Variants in KIAA1217 observed in about 807,000 individuals in gnomAD.
KIAA1217 encodes sickle tail protein homolog.
KIAA1217 carries 88 observed loss-of-function variants against 163.9 expected under a neutral mutation model. The ratio of observed to expected loss-of-function variants is 0.54; its 90% CI spans 0.45 to 0.64. KIAA1217 has a LOEUF of 0.64. Among genes scored for constraint, KIAA1217 ranks in the 30% least tolerant of loss-of-function variants. KIAA1217 has a pLI of 0.00. For synonymous variants in KIAA1217, 903 were observed against 923.1 expected, an observed-to-expected ratio of 0.98 and a Z score of 0.39; for missense variants, 2,372 against 2,475.0, an observed-to-expected ratio of 0.96 and a Z score of 0.88.
intron 2 of KIAA1217, among the ~76,000 whole-genome samples, chr10:24,112,856 G>C (rs2062907534): frequency 6.6e-6 from 1 of 152,098 alleles, no homozygotes; most frequent in South Asian, 2.1e-4. Context: ...ACAGTGCTGG[G>C]ATTACAGGCG....
At chr10:24,225,759 C>G (rs567826448) in intron 2 of KIAA1217, among the ~76,000 whole-genome samples, 1 of 152,358 alleles carries the variant, frequency 6.6e-6, no homozygotes, top group South Asian at 2.1e-4. Context: ...TACATTGTAG[C>G]ATCTAATCAG....
chr10:24,143,829 C>A (rs897477757), intron 2 of KIAA1217, among the ~76,000 whole-genome samples: 55 of 145,766 alleles, frequency 3.8e-4, no homozygotes, highest in Admixed American at 1.3e-3. Flanking sequence ...AAAAAAAAAA[C>A]AAAAACAAAA....
intron 1 of KIAA1217, among the ~76,000 whole-genome samples, chr10:23,825,510 T>G (rs1444968302): frequency 6.6e-6 from 1 of 152,218 alleles, no homozygotes; most frequent in Non-Finnish European, 1.5e-5. Flanking sequence ...TAACTGGCTT[T>G]AATGAGACTG....
At chr10:23,996,308 C>G (rs11013838) in intron 1 of KIAA1217, among the ~76,000 whole-genome samples, 1 of 152,206 alleles carries the variant, frequency 6.6e-6, no homozygotes, top group East Asian at 1.9e-4. Flanking sequence ...CTTCTTGCCT[C>G]GGATTGACAG....
chr10:23,812,448 G>T (rs1403382928), intron 1 of KIAA1217, among the ~76,000 whole-genome samples: 1 of 152,088 alleles, frequency 6.6e-6, no homozygotes, highest in Non-Finnish European at 1.5e-5. Flanking sequence ...GCTTGGAATA[G>T]GGTTAATAGA....
At chr10:24,498,339 G>C (rs1481265113) in intron 8 of KIAA1217, among the ~76,000 whole-genome samples, 1 of 152,180 alleles carries the variant, frequency 6.6e-6, no homozygotes, top group Non-Finnish European at 1.5e-5. Flanking sequence ...AAAAGGAAAA[G>C]AAGTGGCTGA....
intron 16 of KIAA1217, among the ~76,000 whole-genome samples, chr10:24,535,195 G>A (rs1395067564): frequency 6.6e-6 from 1 of 152,184 alleles, no homozygotes; most frequent in Non-Finnish European, 1.5e-5. Flanking sequence ...TTTGTAAGCA[G>A]CTTTCTAAGT....
chr10:23,845,546 TG>T (rs1456613911), intron 1 of KIAA1217, among the ~76,000 whole-genome samples: 1 of 152,258 alleles, frequency 6.6e-6, no homozygotes, highest in Non-Finnish European at 1.5e-5. Context: ...TTTTGAGATG[TG>T]TCTGTTCATA....
At chr10:24,544,566 C>A in intron 19 of KIAA1217, 85 bp downstream of exon 19, 2 of 1,449,744 alleles carry the variant, frequency 1.4e-6, no homozygotes, top group Non-Finnish European at 1.8e-6. Flanking sequence ...TGTCTTGTAA[C>A]TTAATTGCTT....
intron 12 of KIAA1217, among the ~76,000 whole-genome samples, chr10:24,522,586 C>T (rs184496214): frequency 7.9e-5 from 12 of 152,092 alleles, no homozygotes; most frequent in African/African-American, 7.2e-5. Context: ...ACCTGCTCAC[C>T]GAAGAGGTCA....
chr10:24,437,535 G>A (rs996220007), intron 4 of KIAA1217, among the ~76,000 whole-genome samples: 7 of 152,192 alleles, frequency 4.6e-5, no homozygotes, highest in African/African-American at 1.7e-4. Flanking sequence ...GCATTGGAAG[G>A]GATCACAGTG....
intron 1 of KIAA1217, among the ~76,000 whole-genome samples, chr10:23,770,887 C>T (rs1248984234): frequency 6.6e-6 from 1 of 152,160 alleles, no homozygotes; most frequent in East Asian, 1.9e-4. Flanking sequence ...AGTATTGGTG[C>T]TGTACATCCA....
intron 1 of KIAA1217, among the ~76,000 whole-genome samples, chr10:23,710,073 G>A (rs1290778229): frequency 1.3e-5 from 2 of 152,290 alleles, no homozygotes; most frequent in African/African-American, 4.8e-5. Context: ...TGCAAAGTGA[G>A]TGAATGAATG....
chr10:23,698,690 G>C (rs777527451), intron 1 of KIAA1217, among the ~76,000 whole-genome samples: 27 of 152,194 alleles, frequency 1.8e-4, no homozygotes, highest in Non-Finnish European at 3.2e-4. Flanking sequence ...ACACTCAAAT[G>C]CATGAGTCCC....
intron 2 of KIAA1217, among the ~76,000 whole-genome samples, chr10:24,125,322 C>CTCTG (rs934748198): frequency 1.0e-4 from 15 of 143,818 alleles, no homozygotes; most frequent in African/African-American, 3.3e-4. Flanking sequence ...ATCCTATGCT[C>CTCTG]TGTGTGTGTG....
At chr10:24,542,807 G>A (rs371345881) in intron 18 of KIAA1217, 37 bp downstream of exon 18, 1 of 1,611,774 alleles carries the variant, frequency 6.2e-7, no homozygotes, top group Non-Finnish European at 8.5e-7. Context: ...CCAATACCAT[G>A]CACATTAAGT....
intron 2 of KIAA1217, among the ~76,000 whole-genome samples, chr10:24,341,533 T>G (rs2047099953): frequency 6.6e-6 from 1 of 152,260 alleles, no homozygotes; most frequent in South Asian, 2.1e-4. Flanking sequence ...TAGTATCTCC[T>G]CTATTTGAGC....
At chr10:23,789,266 T>C (rs1835630569) in intron 1 of KIAA1217, among the ~76,000 whole-genome samples, 1 of 152,224 alleles carries the variant, frequency 6.6e-6, no homozygotes, top group African/African-American at 2.4e-5. Context: ...AACGTTTGCA[T>C]TTAGATTTCT....
At position 24,209,187 on chromosome 10, in the gene KIAA1217, A is replaced by G. The variant is rs1277043857; in HGVS notation, c.-7A>G. ...AGAGCGAGGAGCTTTTGCGGCAGGC[A>G]GAGACAATGGAAGAAAATGAAAGCC... On this transcript the variant is annotated 5_prime_UTR_variant, in exon 1 of 21. Coordinates refer to ENST00000376454, the MANE Select transcript of KIAA1217 (RefSeq NM_019590.5). 4 of 1,613,114 alleles carry G rather than the reference A, an allele frequency of 2.5e-6. No individual in the cohort carries two copies. In the African/African-American group the frequency reaches 5.3e-5, roughly 22 times the overall value.
Sources: allele counts gnomAD v4.1 joint callset (sites outside exome capture counted in the v4.1 genomes callset), GRCh38; gene constraint gnomAD v4.1.1; transcripts MANE v1.5; gene names NCBI Gene and HGNC (gene_info 2026-07-23, HGNC 2026-07-21).